WWOX: variants seen among roughly 807,000 people sequenced by gnomAD.
The protein encoded by WWOX is WW domain-containing oxidoreductase.
In WWOX, 69 loss-of-function variants were observed where a neutral mutation model predicts 46.2. The observed-to-expected ratio is 1.49, with a 90% confidence interval of 1.23 to 1.82. The LOEUF (loss-of-function observed/expected upper bound fraction) is 1.82, where lower values mean the gene tolerates loss of function less well. Among genes scored for constraint, WWOX ranks in the 40% most tolerant of loss-of-function variants. WWOX has a pLI of 0.00. For missense variants in WWOX, 919 were observed against 542.6 expected, an observed-to-expected ratio of 1.69 and a Z score of -6.89; for synonymous variants, 359 against 202.6, an observed-to-expected ratio of 1.77 and a Z score of -6.56.
At chr16:78,811,112 G>A (rs768782314) in intron 8 of WWOX, among the ~76,000 whole-genome samples, 9 of 152,294 alleles carry the variant, frequency 5.9e-5, no homozygotes, top group Admixed American at 2.0e-4. Flanking sequence ...TTAGAGGAAT[G>A]CAGTGAACAA....
At chr16:78,982,482 T>C (rs1331601431) in intron 8 of WWOX, among the ~76,000 whole-genome samples, 1 of 152,186 alleles carries the variant, frequency 6.6e-6, no homozygotes, top group Non-Finnish European at 1.5e-5. Context: ...CAGACTTGTG[T>C]TAGTTCATTT....
At chr16:78,473,192 C>T (rs540097372) in intron 8 of WWOX, among the ~76,000 whole-genome samples, 15 of 152,148 alleles carry the variant, frequency 9.9e-5, no homozygotes, top group Non-Finnish European at 1.5e-4. Context: ...TGCAGTGGTG[C>T]GTTCTCTGCT....
rs578232076 is a variant in WWOX at position 78,199,238 on chromosome 16, A to T, written c.516+34949A>T. Among the ~76,000 whole-genome samples the T allele has an allele frequency of 5.9e-5, 9 of 152,100 alleles. No homozygotes were observed. In the South Asian group the frequency reaches 1.7e-3, roughly 28 times the overall value. On this transcript the variant is annotated intron_variant, in intron 5 of 8. Transcript: ENST00000566780. ...TGAGGCAGGAGAATCACTTGAACCC[A>T]GGAGGCGGAGGTTGCAGTGAGCCCA...
chr16:78,503,985 T>A (rs1035822124), intron 8 of WWOX, among the ~76,000 whole-genome samples: 3 of 152,250 alleles, frequency 2.0e-5, no homozygotes, highest in African/African-American at 2.4e-5. Flanking sequence ...ATGTTTTTTT[T>A]ATTCCCTGGG....
At chr16:78,610,965 T>G (rs2045886792) in intron 8 of WWOX, among the ~76,000 whole-genome samples, 1 of 152,094 alleles carries the variant, frequency 6.6e-6, no homozygotes, top group Non-Finnish European at 1.5e-5. Context: ...TTCTTAACAT[T>G]AAAAACAACA....
intron 6 of WWOX, among the ~76,000 whole-genome samples, chr16:78,396,746 A>G (rs1031413519): frequency 2.0e-5 from 3 of 152,228 alleles, no homozygotes; most frequent in African/African-American, 7.2e-5. Context: ...CATCAGCCAG[A>G]CAGTCTCTGC....
In WWOX at chr16:78,820,868, G is replaced by T. The variant is rs148013201; in HGVS notation, c.1056+388116G>T. 1.1e-3 allele frequency among the ~76,000 whole-genome samples: 164 copies of T among 152,170 alleles called. 1 individual carries two copies. Among genetic ancestry groups the T allele is most frequent in the African/African-American group, 3.9e-3 (162 of 41,524 alleles). On this transcript the variant is annotated intron_variant, in intron 8 of 8. Coordinates refer to ENST00000566780, the MANE Select transcript of WWOX (RefSeq NM_016373.4). Reference sequence around the variant, plus strand: ...TTTCTGGTGACTGCTGGCAATTCTTGATGTCCCTTGGCTTGGAAACACCAC... The same window carrying T: ...TTTCTGGTGACTGCTGGCAATTCTTTATGTCCCTTGGCTTGGAAACACCAC...
At chr16:78,147,961 T>C (rs1434131793) in intron 4 of WWOX, among the ~76,000 whole-genome samples, 3 of 151,986 alleles carry the variant, frequency 2.0e-5, no homozygotes, top group Non-Finnish European at 4.4e-5. Context: ...TGTGTGCGTG[T>C]AGAATCCTGG....
At chr16:78,938,738 T>C (rs532730921) in intron 8 of WWOX, among the ~76,000 whole-genome samples, 5 of 152,222 alleles carry the variant, frequency 3.3e-5, no homozygotes, top group Non-Finnish European at 5.9e-5. Context: ...AGTGAATGAA[T>C]GAGTGAGCAA....
chr16:78,596,072 A>G (rs2045482389), intron 8 of WWOX, among the ~76,000 whole-genome samples: 2 of 152,192 alleles, frequency 1.3e-5, no homozygotes, highest in African/African-American at 2.4e-5. Context: ...CATTTTTTAT[A>G]TTCAAAATTT....
At chr16:78,899,124 G>A (rs1303906597) in intron 8 of WWOX, 1 of 152,070 alleles carries the variant, frequency 6.6e-6, no homozygotes, top group Admixed American at 6.5e-5. Flanking sequence ...GTAGGACAGT[G>A]TTGAACAGAG....
At chr16:78,915,633 T>C (rs1181997728) in intron 8 of WWOX, among the ~76,000 whole-genome samples, 2 of 152,164 alleles carry the variant, frequency 1.3e-5, no homozygotes, top group African/African-American at 4.8e-5. Context: ...TTATCAGTCA[T>C]TGACTCAGAA....
intron 8 of WWOX, among the ~76,000 whole-genome samples, chr16:78,665,391 A>G (rs1284304397): frequency 2.0e-5 from 3 of 152,180 alleles, no homozygotes; most frequent in Non-Finnish European, 4.4e-5. Flanking sequence ...AATTATTATT[A>G]TTGAGTTACT....
intron 6 of WWOX, among the ~76,000 whole-genome samples, chr16:78,416,678 T>C (rs2082803861): frequency 6.6e-6 from 1 of 152,182 alleles, no homozygotes; most frequent in African/African-American, 2.4e-5. Context: ...AAGTATGAAG[T>C]TAAAATTCCC....
At chr16:78,676,461 T>A (rs2047602719) in intron 8 of WWOX, among the ~76,000 whole-genome samples, 2 of 151,258 alleles carry the variant, frequency 1.3e-5, no homozygotes, top group South Asian at 4.2e-4. Context: ...ATCACTTACC[T>A]AAAAAGCTCC....
intron 8 of WWOX, among the ~76,000 whole-genome samples, chr16:78,967,698 C>T (rs1341145440): frequency 1.3e-5 from 2 of 152,006 alleles, no homozygotes; most frequent in African/African-American, 2.4e-5. Flanking sequence ...GTTAGGTTCC[C>T]ACAGGATGAA....
At chr16:78,794,747 C>T (rs2050694213) in intron 8 of WWOX, among the ~76,000 whole-genome samples, 1 of 152,318 alleles carries the variant, frequency 6.6e-6, no homozygotes, top group Admixed American at 6.5e-5. Context: ...GATGCTGTGG[C>T]TGGAGAAGAT....
intron 4 of WWOX, among the ~76,000 whole-genome samples, chr16:78,117,699 C>T (rs979849702): frequency 4.6e-5 from 7 of 152,140 alleles, no homozygotes; most frequent in South Asian, 2.1e-4. Flanking sequence ...ACTTTAGTTC[C>T]GCTCATTTAA....
In WWOX at chr16:78,884,291, A is replaced by G. The variant is rs533134552; in HGVS notation, c.1057-327317A>G. On this transcript the variant is annotated intron_variant, in intron 8 of 8. Coordinates refer to ENST00000566780, the MANE Select transcript of WWOX (RefSeq NM_016373.4). ...CTGTCTCCAAAAAAAAAAAAAAAAA[A>G]AACAAAAGACCATTTTTAAGACTAT... is the stretch of plus-strand genomic sequence containing the variant. Among the ~76,000 whole-genome samples, 317 of 149,542 alleles carry G rather than the reference A, an allele frequency of 2.1e-3. 3 individuals are homozygous for G. The highest frequency in any genetic ancestry group is 7.2e-3 in the African/African-American group (294 of 40,682).
Sources: gnomAD v4.1 joint callset for allele counts (sites outside exome capture counted in the v4.1 genomes callset) on GRCh38, gnomAD v4.1.1 for gene constraint, MANE v1.5 for transcripts, NCBI Gene and HGNC (gene_info 2026-07-23, HGNC 2026-07-21) for gene names.